SLC25A10: variants seen among roughly 807,000 people sequenced by gnomAD.
The protein encoded by SLC25A10 is mitochondrial dicarboxylate carrier.
Under a neutral mutation model 40.4 loss-of-function variants are expected in SLC25A10, and 32 were observed. The observed-to-expected ratio is 0.79, with a 90% confidence interval of 0.60 to 1.06. The LOEUF is 1.06. Among genes scored for constraint, SLC25A10 ranks in the 50% least tolerant of loss-of-function variants. The pLI is 0.00. For synonymous variants in SLC25A10, 181 were observed against 171.1 expected (o/e 1.06, Z -0.45); for missense variants, 394 against 402.6 (o/e 0.98, Z 0.18).
In SLC25A10 at chr17:81,715,164, T is replaced by C. The variant is rs1465738724; in HGVS notation, c.213+92T>C. On this transcript the variant is annotated intron_variant, in intron 2 of 10. Coordinates refer to ENST00000350690, the MANE Select transcript of SLC25A10 (RefSeq NM_012140.5). ...CTTCCGTCCCCTTTTCAAGACTTTG[T>C]GCAAGGAAGGACCCACCAGGCCGAG... 7.2e-6 allele frequency: 11 copies of C among 1,529,062 alleles called. No individual in the cohort carries two copies. The South Asian group carries it at 1.3e-4, about 18-fold the overall frequency. 94.7% of individuals were successfully genotyped at this position (1,529,062 alleles called of 1,614,324 possible). A position where few individuals can be genotyped will look rare whatever the true frequency, so the allele number is the denominator to read the frequency against.
intron 1 of SLC25A10, 22 bp downstream of exon 1, chr17:81,712,541 C>A: frequency 8.1e-7 from 1 of 1,232,358 alleles, no homozygotes; most frequent in African/African-American, 1.6e-5. Flanking sequence ...GCCCGGGACG[C>A]GGGGCGGATG....
chr17:81,714,412 C>A (rs1179991917), intron 1 of SLC25A10, among the ~76,000 whole-genome samples: 2 of 152,200 alleles, frequency 1.3e-5, no homozygotes, highest in Non-Finnish European at 2.9e-5. Context: ...CAGAGGAGGC[C>A]GCTATGCCCT....
At chr17:81,714,371 G>C (rs531389462) in intron 1 of SLC25A10, among the ~76,000 whole-genome samples, 3 of 152,324 alleles carry the variant, frequency 2.0e-5, no homozygotes, top group South Asian at 2.1e-4. Flanking sequence ...GACAGCCCCC[G>C]AGTGCCTGCC....
intron 1 of SLC25A10, chr17:81,713,390 C>T (rs2037421617): frequency 5.2e-6 from 5 of 959,734 alleles, no homozygotes; most frequent in Non-Finnish European, 6.2e-6. Context: ...ACTGGGCAGC[C>T]GCCTGTCTAG....
chr17:81,714,004 C>A (rs564027712), intron 1 of SLC25A10, among the ~76,000 whole-genome samples: 1 of 152,228 alleles, frequency 6.6e-6, no homozygotes, highest in Non-Finnish European at 1.5e-5. Context: ...TGTCCCATGT[C>A]CCTACAGTCC....
chr17:81,715,843 A>G, intron 4 of SLC25A10, 102 bp downstream of exon 4: 3 of 1,515,364 alleles, frequency 2.0e-6, no homozygotes, highest in Non-Finnish European at 2.7e-6. Context: ...AGCCTGGAAT[A>G]AGCCACTGAG....
intron 9 of SLC25A10, among the ~76,000 whole-genome samples, chr17:81,719,212 C>T (rs1194496324): frequency 1.3e-5 from 2 of 151,736 alleles, no homozygotes; most frequent in Non-Finnish European, 2.9e-5. Flanking sequence ...GGATTACAGG[C>T]ACGTGCCACC....
chr17:81,716,457 C>T (rs1185372611), intron 5 of SLC25A10, among the ~76,000 whole-genome samples: 3 of 152,172 alleles, frequency 2.0e-5, no homozygotes, highest in African/African-American at 7.2e-5. Flanking sequence ...CAGTGTGAGC[C>T]ACTTCCCCCG....
chr17:81,716,955 G>A, intron 6 of SLC25A10, 47 bp from the exon 7 acceptor site: 1 of 1,588,478 alleles, frequency 6.3e-7, no homozygotes. Context: ...CCAGGTGCCT[G>A]GCCTCACCCC....
Position 81,719,353 on chromosome 17 carries a change from C to T in SLC25A10, c.706-478C>T, listed in dbSNP as rs1285139931. Among the ~76,000 whole-genome samples the T allele has an allele frequency of 2.0e-5, 3 of 152,350 alleles. No homozygotes were observed. In the East Asian group the frequency reaches 5.8e-4, roughly 29 times the overall value. ...AAGTGCTGGGATTACAGGTGTGAGT[C>T]ACTGTGCCCGGCCAAAAACATTTCT... On this transcript the variant is annotated intron_variant, in intron 9 of 10. Coordinates refer to ENST00000350690, the MANE Select transcript of SLC25A10 (RefSeq NM_012140.5).
At position 81,717,417 on chromosome 17, in the gene SLC25A10, G is replaced by A; in HGVS notation, c.553G>A (p.Ala185Thr). 1.9e-6 allele frequency: 3 copies of A among 1,613,498 alleles called. No individual in the cohort carries two copies. The highest frequency in any genetic ancestry group is 2.5e-6 in the Non-Finnish European group (3 of 1,179,920). Residue 185 changes from alanine (A) to threonine (T), a missense_variant, in exon 8 of 11, where the codon GCC (alanine) becomes ACC (threonine). Coordinates refer to ENST00000350690, the MANE Select transcript of SLC25A10 (RefSeq NM_012140.5). Reference protein sequence around the residue: ...TVGQLSCYDQAKQLVLSTGYL... With the variant: ...TVGQLSCYDQTKQLVLSTGYL... Reference sequence around the variant, plus strand: ...CCTGCAGCTGTCCTGCTACGACCAGGCCAAGCAGCTGGTCCTTAGCACCGG... The same window carrying A: ...CCTGCAGCTGTCCTGCTACGACCAGACCAAGCAGCTGGTCCTTAGCACCGG...
At chr17:81,718,459 T>C (rs2037528640) in intron 9 of SLC25A10, among the ~76,000 whole-genome samples, 2 of 151,964 alleles carry the variant, frequency 1.3e-5, no homozygotes, top group Non-Finnish European at 2.9e-5. Context: ...CACCCCAGCC[T>C]GGGCCACAAG....
chr17:81,712,667 T>G (rs1173660564), intron 1 of SLC25A10, 148 bp downstream of exon 1: 2 of 531,956 alleles, frequency 3.8e-6, no homozygotes, highest in Non-Finnish European at 5.6e-6. Flanking sequence ...GACGCCCGGA[T>G]GGCCGATCCC....
At chr17:81,716,188 G>A (rs1598212477) in intron 5 of SLC25A10, 138 bp downstream of exon 5, 2 of 911,236 alleles carry the variant, frequency 2.2e-6, no homozygotes, top group Non-Finnish European at 1.7e-6. Context: ...GGGTCCTGAC[G>A]GCTGTTCTGG....
intron 7 of SLC25A10, 75 bp from the exon 8 acceptor site, chr17:81,717,324 G>A (rs2144540082): frequency 7.0e-7 from 1 of 1,430,742 alleles, no homozygotes; most frequent in Non-Finnish European, 9.8e-7. Flanking sequence ...GCCAGGTGGT[G>A]TCGCCTGGGG....
chr17:81,715,889 C>A, intron 4 of SLC25A10, 120 bp from the exon 5 acceptor site: 1 of 1,423,136 alleles, frequency 7.0e-7, no homozygotes, highest in Non-Finnish European at 9.8e-7. Context: ...GTGGGTGTCC[C>A]TGAGCCCCGG....
At chr17:81,718,277 A>G (rs2037524831) in intron 9 of SLC25A10, among the ~76,000 whole-genome samples, 1 of 152,014 alleles carries the variant, frequency 6.6e-6, no homozygotes, top group Admixed American at 6.6e-5. Flanking sequence ...TGAGGTCAGG[A>G]GTTCAAGACC....
At chr17:81,717,541 G>T (rs200183325) in intron 8 of SLC25A10, 50 bp downstream of exon 8, 6 of 1,594,840 alleles carry the variant, frequency 3.8e-6, no homozygotes, top group Admixed American at 1.7e-5. Context: ...GGCCTTGGGC[G>T]CTGAGGGCAC....
chr17:81,716,617 C>T (rs1216070271), intron 5 of SLC25A10, 195 bp from the exon 6 acceptor site: 1 of 611,054 alleles, frequency 1.6e-6, no homozygotes, highest in Non-Finnish European at 2.9e-6. Context: ...GAACCTCCTC[C>T]CTGAGGGCCG....
Sources: allele counts gnomAD v4.1 joint callset (sites outside exome capture counted in the v4.1 genomes callset), GRCh38; gene constraint gnomAD v4.1.1; transcripts MANE v1.5; gene names NCBI Gene and HGNC (gene_info 2026-07-23, HGNC 2026-07-21).